KCNIP4: variants seen among roughly 807,000 people sequenced by gnomAD.
KCNIP4 encodes potassium voltage-gated channel interacting protein 4, also known as Kv channel-interacting protein 4.
KCNIP4 carries 12 observed loss-of-function variants against 34.0 expected under a neutral mutation model. That is an observed-to-expected ratio of 0.35 (90% CI 0.23 to 0.57). The LOEUF (loss-of-function observed/expected upper bound fraction) is 0.57. KCNIP4 is among the 20% of genes least tolerant of loss of function. The pLI is 0.83. For missense variants in KCNIP4, 238 were observed against 311.7 expected (o/e 0.76, Z 1.78); for synonymous variants, 124 against 102.2 (o/e 1.21, Z -1.29).
At chr4:21,698,103 T>C (rs1447883562) in intron 1 of KCNIP4, among the ~76,000 whole-genome samples, 1 of 152,192 alleles carries the variant, frequency 6.6e-6, no homozygotes, top group African/African-American at 2.4e-5. Flanking sequence ...AAGCTGACCC[T>C]GATTCTAAAC....
chr4:20,908,175 C>T (rs1044556337), intron 1 of KCNIP4, among the ~76,000 whole-genome samples: 2 of 149,560 alleles, frequency 1.3e-5, no homozygotes, highest in Non-Finnish European at 3.0e-5. Flanking sequence ...TCTCGGCTCA[C>T]TGCAACTTCC....
chr4:21,641,380 T>A (rs1746604447), intron 1 of KCNIP4, among the ~76,000 whole-genome samples: 1 of 152,208 alleles, frequency 6.6e-6, no homozygotes, highest in African/African-American at 2.4e-5. Flanking sequence ...TTCTAGCACA[T>A]ACCTGAAGGA....
chr4:20,970,587 G>A (rs1734835134), intron 1 of KCNIP4, among the ~76,000 whole-genome samples: 1 of 152,118 alleles, frequency 6.6e-6, no homozygotes, highest in South Asian at 2.1e-4. Context: ...ACAACTCCCA[G>A]AAAGGTGCTA....
chr4:21,500,399 T>C (rs1393057715), intron 1 of KCNIP4, among the ~76,000 whole-genome samples: 2 of 152,122 alleles, frequency 1.3e-5, no homozygotes, highest in Admixed American at 6.6e-5. Flanking sequence ...ATTTGACCTT[T>C]AGCAACTTCA....
chr4:20,802,585 T>C (rs922322518), intron 3 of KCNIP4, among the ~76,000 whole-genome samples: 2 of 152,140 alleles, frequency 1.3e-5, no homozygotes, highest in Non-Finnish European at 2.9e-5. Context: ...TTCTCCAAGA[T>C]AGACCATATT....
intron 1 of KCNIP4, among the ~76,000 whole-genome samples, chr4:21,041,107 T>C (rs189491559): frequency 2.6e-5 from 4 of 152,220 alleles, no homozygotes; most frequent in South Asian, 2.1e-4. Context: ...TCTGGGAATG[T>C]ATATGAATAT....
At chr4:21,510,367 C>A (rs1734209400) in intron 1 of KCNIP4, among the ~76,000 whole-genome samples, 1 of 151,880 alleles carries the variant, frequency 6.6e-6, no homozygotes, top group Non-Finnish European at 1.5e-5. Flanking sequence ...CTTTATTGAT[C>A]AATACAAAGG....
chr4:20,801,230 A>G (rs1376758136), intron 3 of KCNIP4, among the ~76,000 whole-genome samples: 3 of 152,036 alleles, frequency 2.0e-5, no homozygotes, highest in Non-Finnish European at 4.4e-5. Context: ...CCAGACAAGC[A>G]AAAGCTAAAT....
chr4:21,186,435 A>C (rs536292172), intron 1 of KCNIP4, among the ~76,000 whole-genome samples: 30 of 152,266 alleles, frequency 2.0e-4, no homozygotes, highest in African/African-American at 6.5e-4. Flanking sequence ...CGAAGTAGGG[A>C]TGGAATAAGG....
intron 1 of KCNIP4, among the ~76,000 whole-genome samples, chr4:21,010,486 C>T (rs548450582): frequency 6.6e-6 from 1 of 152,156 alleles, no homozygotes; most frequent in South Asian, 2.1e-4. Flanking sequence ...CGTGTTCTTT[C>T]GAACGTCCGC....
rs76209986 is a variant in KCNIP4 at position 20,752,575 on chromosome 4, G to A, written c.359-2843C>T. ...TTGCTGTTTTTGTAGGATTTCTGTT[G>A]TGTGTCTAGGTGACGAGTTCTAATT... On this transcript the variant is annotated intron_variant, in intron 4 of 8. Coordinates refer to ENST00000382152, the MANE Select transcript of KCNIP4 (RefSeq NM_025221.6). The A allele has an allele frequency of 3.5e-4, 54 of 152,184 alleles. No homozygotes were observed. The East Asian group carries it at 9.7e-3, about 27-fold the overall frequency. The allele number at this position is 152,184 out of a possible 1,614,324, so 9.4% of individuals were successfully genotyped here. A position where few individuals can be genotyped will look rare whatever the true frequency, so the allele number is the denominator to read the frequency against.
At chr4:21,592,322 T>C (rs1326589477) in intron 1 of KCNIP4, among the ~76,000 whole-genome samples, 1 of 152,158 alleles carries the variant, frequency 6.6e-6, no homozygotes, top group Admixed American at 6.6e-5. Context: ...TTTTTTTCTC[T>C]GTAACAATGC....
chr4:21,644,486 C>T (rs1224017224), intron 1 of KCNIP4, among the ~76,000 whole-genome samples: 2 of 152,186 alleles, frequency 1.3e-5, no homozygotes, highest in African/African-American at 4.8e-5. Flanking sequence ...ACTTCCATTT[C>T]CAATCCTTGA....
At chr4:21,339,908 A>G (rs1716576416) in intron 1 of KCNIP4, among the ~76,000 whole-genome samples, 1 of 152,124 alleles carries the variant, frequency 6.6e-6, no homozygotes, top group Non-Finnish European at 1.5e-5. Context: ...CTTTCTTATA[A>G]TTTTCTACAG....
chr4:20,743,638 T>G (rs1289022405), intron 5 of KCNIP4, among the ~76,000 whole-genome samples: 1 of 152,260 alleles, frequency 6.6e-6, no homozygotes, highest in East Asian at 1.9e-4. Context: ...ATTAAAGACT[T>G]AAACATTAGA....
intron 1 of KCNIP4, among the ~76,000 whole-genome samples, chr4:21,811,620 T>C (rs1020146412): frequency 3.3e-5 from 5 of 152,182 alleles, no homozygotes; most frequent in African/African-American, 1.2e-4. Context: ...AGTAAATAAC[T>C]GGAGAAAGAA....
intron 1 of KCNIP4, among the ~76,000 whole-genome samples, chr4:21,842,184 C>T (rs1364558041): frequency 6.6e-6 from 1 of 152,042 alleles, no homozygotes; most frequent in Non-Finnish European, 1.5e-5. Flanking sequence ...AAGTAATAAC[C>T]ATAATATGCA....
intron 1 of KCNIP4, among the ~76,000 whole-genome samples, chr4:21,944,943 A>G (rs1290265412): frequency 1.3e-5 from 2 of 152,166 alleles, no homozygotes; most frequent in African/African-American, 2.4e-5. Flanking sequence ...CAGACTTGCA[A>G]AGGATCCTTG....
chr4:21,804,816 A>G (rs555278091), intron 1 of KCNIP4, among the ~76,000 whole-genome samples: 1 of 152,288 alleles, frequency 6.6e-6, no homozygotes, highest in South Asian at 2.1e-4. Context: ...CTAAACATAC[A>G]ATTTCATTCT....
Sources: allele counts gnomAD v4.1 joint callset (sites outside exome capture counted in the v4.1 genomes callset), GRCh38; gene constraint gnomAD v4.1.1; transcripts MANE v1.5; gene names NCBI Gene and HGNC (gene_info 2026-07-23, HGNC 2026-07-21).